GLMN: variants seen among roughly 807,000 people sequenced by gnomAD.
GLMN encodes glomulin, FKBP associated protein, also known as glomulin.
Under a neutral mutation model 87.8 loss-of-function variants are expected in GLMN, and 75 were observed. The observed-to-expected ratio is 0.85, with a 90% CI of 0.71 to 1.04. The LOEUF is 1.04. Ranked by LOEUF, GLMN falls within the 50% of genes least tolerant of loss-of-function variation. GLMN has a pLI of 0.00. For synonymous variants in GLMN, 206 were observed against 221.6 expected (o/e 0.93, Z 0.63); for missense variants, 588 against 658.8 (o/e 0.89, Z 1.18).
the GLMN span, among the ~76,000 whole-genome samples, chr1:92,306,724 A>G: frequency 6.6e-6 from 1 of 152,090 alleles, no homozygotes; most frequent in African/African-American, 2.4e-5. Context: ...CTGTAGTCCA[A>G]GCTACTCAGG....
chr1:92,286,218 G>T (rs1648729586), intron 7 of GLMN, among the ~76,000 whole-genome samples: 1 of 150,372 alleles, frequency 6.7e-6, no homozygotes, highest in Non-Finnish European at 1.5e-5. Flanking sequence ...GAAAAAGGTA[G>T]ATTACAAGAT....
chr1:92,311,717 A>G, the GLMN span, among the ~76,000 whole-genome samples: 1 of 152,252 alleles, frequency 6.6e-6, no homozygotes, highest in Admixed American at 6.5e-5. Flanking sequence ...CCAGACCACC[A>G]CTATACTAAA....
the GLMN span, among the ~76,000 whole-genome samples, chr1:92,329,256 G>C: frequency 3.9e-5 from 6 of 152,164 alleles, no homozygotes; most frequent in African/African-American, 1.4e-4. Context: ...ACCAGGGCCA[G>C]TAGAGAAAGA....
At chr1:92,332,769 G>A in the GLMN span, among the ~76,000 whole-genome samples, 8 of 152,054 alleles carry the variant, frequency 5.3e-5, no homozygotes, top group Non-Finnish European at 1.2e-4. Context: ...AGGATACCCT[G>A]AACTCTTTTT....
intron 7 of GLMN, 52 bp from the exon 8 acceptor site, chr1:92,271,704 C>G: frequency 8.1e-7 from 1 of 1,241,536 alleles, no homozygotes; most frequent in African/African-American, 1.5e-5. Flanking sequence ...TAAAATGCCC[C>G]CCACCCCGTG....
At chr1:92,301,950 C>T (rs116334257), upstream of GLMN, among the ~76,000 whole-genome samples, 2,104 of 152,218 alleles carry the variant, frequency 0.014, 56 homozygotes, top group African/African-American at 0.047. Flanking sequence ...TAAAACATCA[C>T]ATACTACCCC....
the GLMN span, among the ~76,000 whole-genome samples, chr1:92,341,039 C>T: frequency 1.3e-5 from 2 of 152,108 alleles, no homozygotes; most frequent in Non-Finnish European, 1.5e-5. Flanking sequence ...GACAGAGTCT[C>T]ACTCTGTCAC....
chr1:92,290,897 C>A (rs572695248), intron 4 of GLMN, among the ~76,000 whole-genome samples: 284 of 152,308 alleles, frequency 1.9e-3, no homozygotes, highest in African/African-American at 6.4e-3. Context: ...GTAAACTCTA[C>A]TAGCCTTTTA....
chr1:92,288,853 A>T (rs1175252023), intron 6 of GLMN, 61 bp downstream of exon 6: 7 of 871,796 alleles, frequency 8.0e-6, no homozygotes, highest in Non-Finnish European at 1.2e-5. Context: ...GAAGAAACAT[A>T]AAATAACTGA....
chr1:92,304,228 T>A, the GLMN span: 1 of 1,254,574 alleles, frequency 8.0e-7, no homozygotes, highest in Non-Finnish European at 1.2e-6. Context: ...TCTTGTAACA[T>A]AACGTTCATG....
chr1:92,256,052 A>C (rs1182731793), intron 16 of GLMN, among the ~76,000 whole-genome samples: 2 of 152,142 alleles, frequency 1.3e-5, no homozygotes, highest in African/African-American at 4.8e-5. Context: ...ACACAATAAA[A>C]ATTGATAAAG....
chr1:92,323,405 A>G, the GLMN span: 2 of 1,393,452 alleles, frequency 1.4e-6, no homozygotes, highest in South Asian at 2.9e-5. Flanking sequence ...TTTATTTGCT[A>G]TTTTTTATTT....
the GLMN span, among the ~76,000 whole-genome samples, chr1:92,336,807 A>G: frequency 2.6e-5 from 4 of 152,116 alleles, no homozygotes; most frequent in Non-Finnish European, 5.9e-5. Flanking sequence ...CCCTAAAGGA[A>G]GAACTCTCCT....
chr1:92,319,837 A>G, the GLMN span, among the ~76,000 whole-genome samples: 28 of 152,258 alleles, frequency 1.8e-4, no homozygotes, highest in African/African-American at 6.5e-4. Flanking sequence ...CATCTCTACT[A>G]AAAATACAAA....
chr1:92,297,902 C>A, intron 2 of GLMN, 59 bp downstream of exon 2: 1 of 866,860 alleles, frequency 1.2e-6, no homozygotes, highest in Non-Finnish European at 2.0e-6. Context: ...TAATTAAAAA[C>A]AATCTGTGCC....
chr1:92,321,941 TTTC>T, the GLMN span, among the ~76,000 whole-genome samples: 34 of 150,742 alleles, frequency 2.3e-4, no homozygotes, highest in African/African-American at 8.3e-4. Context: ...TGAAATTTTC[TTTC>T]TTTTTTTTTT....
intron 5 of GLMN, 95 bp from the exon 6 acceptor site, chr1:92,289,246 C>T: frequency 2.6e-6 from 2 of 783,870 alleles, no homozygotes; most frequent in Non-Finnish European, 4.6e-6. Context: ...CCTCCTCCCA[C>T]ATTTTAACAA....
intron 16 of GLMN, among the ~76,000 whole-genome samples, chr1:92,252,273 C>T (rs1448399664): frequency 6.6e-6 from 1 of 152,118 alleles, no homozygotes; most frequent in Non-Finnish European, 1.5e-5. Context: ...TGGCCCAGCG[C>T]AGTAGCTCAT....
chr1:92,333,538 A>G, the GLMN span: 1 of 1,075,652 alleles, frequency 9.3e-7, no homozygotes, highest in Non-Finnish European at 1.4e-6. Context: ...TTAAGCTCAT[A>G]ATGTGTAAGT....
Sources: gnomAD v4.1 joint callset for allele counts (sites outside exome capture counted in the v4.1 genomes callset) on GRCh38, gnomAD v4.1.1 for gene constraint, MANE v1.5 for transcripts, NCBI Gene and HGNC (gene_info 2026-07-23, HGNC 2026-07-21) for gene names.